Variants in BLK observed in about 807,000 individuals in gnomAD.
The protein encoded by BLK is tyrosine-protein kinase Blk.
BLK carries 64 observed loss-of-function variants against 61.8 expected under a neutral mutation model. The ratio of observed to expected loss-of-function variants is 1.03; its 90% confidence interval spans 0.85 to 1.27. BLK has a LOEUF of 1.27. Among genes scored for constraint, BLK ranks in the 50% most tolerant of loss-of-function variants. The probability of loss-of-function intolerance (pLI) is 0.00; values close to 1 mark genes in which losing one functional copy is unlikely to be tolerated. For missense variants in BLK, 853 were observed against 660.5 expected (o/e 1.29, Z -3.19); for synonymous variants, 351 against 272.0 (o/e 1.29, Z -2.86).
chr8:11,555,779 C>T (rs945789804), intron 8 of BLK: 9 of 478,244 alleles, frequency 1.9e-5, no homozygotes, highest in Admixed American at 1.3e-4. Context: ...CAATGAGCTG[C>T]AGCGGCGCGT....
chr8:11,503,518 G>A (rs1195003661), intron 1 of BLK, among the ~76,000 whole-genome samples: 1 of 152,174 alleles, frequency 6.6e-6, no homozygotes, highest in African/African-American at 2.4e-5. Context: ...TCCATCCTGT[G>A]CCCAAGCCTT....
At chr8:11,563,159 C>T (rs1327846097) in intron 12 of BLK, 49 bp downstream of exon 12, 12 of 1,612,016 alleles carry the variant, frequency 7.4e-6, no homozygotes, top group Non-Finnish European at 1.0e-5. Context: ...CCCGGCCGGC[C>T]CTGATGGCAG....
chr8:11,523,348 G>C (rs998617224), intron 1 of BLK, among the ~76,000 whole-genome samples: 5 of 152,160 alleles, frequency 3.3e-5, no homozygotes, highest in African/African-American at 1.2e-4. Flanking sequence ...GAAGTCAGGT[G>C]TTTGAGTACA....
chr8:11,555,616 A>T, intron 8 of BLK, 132 bp downstream of exon 8: 1 of 1,393,456 alleles, frequency 7.2e-7, no homozygotes, highest in South Asian at 1.2e-5. Context: ...GACAGAGGCG[A>T]GGACACTCAT....
At chr8:11,536,874 C>T (rs1800154087) in intron 1 of BLK, among the ~76,000 whole-genome samples, 1 of 152,234 alleles carries the variant, frequency 6.6e-6, no homozygotes, top group Non-Finnish European at 1.5e-5. Flanking sequence ...CTCTTTGGTA[C>T]AGAATCATGC....
intron 6 of BLK, chr8:11,553,051 T>G (rs772385203): frequency 5.4e-4 from 93 of 171,776 alleles, no homozygotes; most frequent in Non-Finnish European, 9.5e-4. Context: ...CATGTGCACA[T>G]ATGCACAGAT....
At chr8:11,559,033 C>CAGT in intron 10 of BLK, 1 of 456,246 alleles carries the variant, frequency 2.2e-6, no homozygotes. Flanking sequence ...AACCCCAGGG[C>CAGT]AGTGATAAGC....
At chr8:11,539,459 G>T (rs1339503396) in intron 1 of BLK, among the ~76,000 whole-genome samples, 1 of 152,036 alleles carries the variant, frequency 6.6e-6, no homozygotes, top group Non-Finnish European at 1.5e-5. Context: ...TTTCGGGGGA[G>T]GGGATTGTTT....
chr8:11,512,573 T>G (rs1468211927), intron 1 of BLK, among the ~76,000 whole-genome samples: 1 of 152,234 alleles, frequency 6.6e-6, no homozygotes, highest in Non-Finnish European at 1.5e-5. Context: ...GAAAACATAT[T>G]TCCACCCTCT....
At chr8:11,558,878 C>T (rs1284046759) in intron 10 of BLK, 1 of 456,120 alleles carries the variant, frequency 2.2e-6, no homozygotes, top group South Asian at 1.5e-5. Flanking sequence ...CCGCCCACAT[C>T]AGCCCTCCCA....
intron 1 of BLK, among the ~76,000 whole-genome samples, chr8:11,498,274 G>A (rs1220219603): frequency 6.6e-6 from 1 of 152,222 alleles, no homozygotes; most frequent in East Asian, 1.9e-4. Flanking sequence ...ACAATGCCAT[G>A]TGGTGTCTAT....
intron 2 of BLK, among the ~76,000 whole-genome samples, chr8:11,543,741 T>A (rs1186979415): frequency 6.6e-6 from 1 of 152,112 alleles, no homozygotes; most frequent in Non-Finnish European, 1.5e-5. Context: ...GGGATAAGCA[T>A]CATGAAACAG....
intron 1 of BLK, among the ~76,000 whole-genome samples, chr8:11,516,423 C>T (rs943974818): frequency 6.6e-6 from 1 of 152,176 alleles, no homozygotes; most frequent in Non-Finnish European, 1.5e-5. Flanking sequence ...GAAAGTTCAC[C>T]GCCCTATTGC....
chr8:11,538,007 C>G lies in BLK; in HGVS notation c.-1-5217C>G, dbSNP rs187257299. 3.0e-4 allele frequency among the ~76,000 whole-genome samples: 46 copies of G among 152,282 alleles called. 2 individuals carry two copies. Among genetic ancestry groups the G allele is most frequent in the Admixed American group, 2.7e-3 (41 of 15,298 alleles). ...CCCCTCCTCTTGCTGACTCCCCCGACTAGACACACATGCACACGGTGCACA... is the reference window on the plus strand; with the variant it reads ...CCCCTCCTCTTGCTGACTCCCCCGAGTAGACACACATGCACACGGTGCACA... On this transcript the variant is annotated intron_variant, in intron 1 of 12. Coordinates refer to ENST00000259089, the MANE Select transcript of BLK (RefSeq NM_001715.3).
intron 1 of BLK, among the ~76,000 whole-genome samples, chr8:11,537,559 G>C (rs111542672): frequency 7.8e-4 from 119 of 152,298 alleles, no homozygotes; most frequent in African/African-American, 2.6e-3. Context: ...GCCTCAGGCA[G>C]GGCCACAGGT....
intron 1 of BLK, among the ~76,000 whole-genome samples, chr8:11,535,900 A>C (rs891801857): frequency 3.9e-5 from 6 of 152,222 alleles, no homozygotes; most frequent in Admixed American, 2.6e-4. Flanking sequence ...GCAAAATCCA[A>C]AATGGAGAAC....
In BLK at chr8:11,506,371, TG is replaced by T. The variant is rs59634092; in HGVS notation, c.-2+11781del. On this transcript the variant is annotated intron_variant, in intron 1 of 12. Coordinates refer to ENST00000259089, the MANE Select transcript of BLK (RefSeq NM_001715.3). ...TTTAGAAAAAAAGAAAACAACAGAA[TG>T]TGCTGAATCCTTGTAACTGTTGGCC... is the stretch of plus-strand genomic sequence containing the variant. Among the ~76,000 whole-genome samples the T allele has an allele frequency of 4.9e-3, 750 of 152,258 alleles. 4 individuals carry two copies. Among genetic ancestry groups the T allele is most frequent in the African/African-American group, 0.016 (674 of 41,544 alleles).
At chr8:11,504,264 A>G (rs1258679640) in intron 1 of BLK, among the ~76,000 whole-genome samples, 1 of 151,976 alleles carries the variant, frequency 6.6e-6, no homozygotes, top group African/African-American at 2.4e-5. Context: ...CAAAGGTTGC[A>G]GTGAGCTGAG....
chr8:11,532,507 G>C (rs890355269), intron 1 of BLK, among the ~76,000 whole-genome samples: 20 of 151,868 alleles, frequency 1.3e-4, no homozygotes, highest in South Asian at 4.2e-4. Flanking sequence ...CGCCACTTCT[G>C]GCCTCTCTTT....
Sources: allele counts gnomAD v4.1 joint callset (sites outside exome capture counted in the v4.1 genomes callset), GRCh38; gene constraint gnomAD v4.1.1; transcripts MANE v1.5; gene names NCBI Gene and HGNC (gene_info 2026-07-23, HGNC 2026-07-21).